ADAMTS9: variants seen among roughly 807,000 people sequenced by gnomAD.
The protein encoded by ADAMTS9 is A disintegrin and metalloproteinase with thrombospondin motifs 9.
In ADAMTS9, 107 loss-of-function variants were observed where a neutral mutation model predicts 257.1. That is an observed-to-expected ratio of 0.42 (90% CI 0.36 to 0.49). ADAMTS9 has a LOEUF of 0.49. Among genes scored for constraint, ADAMTS9 ranks in the 20% least tolerant of loss-of-function variants. ADAMTS9 has a pLI of 0.03. For synonymous variants in ADAMTS9, 982 were observed against 880.9 expected (o/e 1.11, Z -2.03); for missense variants, 2,353 against 2,469.1 (o/e 0.95, Z 1.00).
chr3:64,656,204 A>G (rs952407466), intron 4 of ADAMTS9, among the ~76,000 whole-genome samples: 5 of 152,204 alleles, frequency 3.3e-5, no homozygotes, highest in Non-Finnish European at 7.3e-5. Flanking sequence ...TGGATTGCCA[A>G]CTTATAGAAT....
intron 31 of ADAMTS9, among the ~76,000 whole-genome samples, chr3:64,547,437 C>T (rs900915695): frequency 2.0e-5 from 3 of 150,776 alleles, no homozygotes; most frequent in Non-Finnish European, 4.4e-5. Context: ...TGTTTTCCTT[C>T]CCTCCGTGGT....
chr3:64,652,959 C>A (rs1161678082), intron 8 of ADAMTS9, among the ~76,000 whole-genome samples: 1 of 152,096 alleles, frequency 6.6e-6, no homozygotes, highest in Non-Finnish European at 1.5e-5. Flanking sequence ...ATAAAATTAC[C>A]TCTAGGCTAT....
At chr3:64,658,846 A>G in intron 3 of ADAMTS9, 55 bp from the exon 4 acceptor site, 1 of 1,519,746 alleles carries the variant, frequency 6.6e-7, no homozygotes, top group Non-Finnish European at 8.9e-7. Context: ...ATTTTATATT[A>G]AGAATTTAAT....
intron 2 of ADAMTS9, 62 bp from the exon 3 acceptor site, chr3:64,681,425 C>A (rs917517069): frequency 1.5e-5 from 22 of 1,511,344 alleles, no homozygotes; most frequent in Admixed American, 1.1e-4. Context: ...AGGAAAAAAA[C>A]CAAAAGAACA....
chr3:64,606,437 C>T (rs888560334), intron 23 of ADAMTS9, among the ~76,000 whole-genome samples: 2 of 152,182 alleles, frequency 1.3e-5, no homozygotes, highest in African/African-American at 2.4e-5. Context: ...ATCCACCATA[C>T]AGACACATAC....
Position 64,594,368 on chromosome 3 carries a change from G to A in ADAMTS9, c.4246C>T (p.Arg1416Trp), listed in dbSNP as rs766052445. The change falls in exon 28 of 40, where the codon CGG becomes TGG. Residue 1416 changes from arginine to tryptophan, a missense_variant. Coordinates refer to ENST00000498707, the MANE Select transcript of ADAMTS9 (RefSeq NM_182920.2). Reference sequence around the variant, plus strand: ...ATTTCACAGCTCAAATCTGGAAACCGTTCACCGTTGGACCGCTGACAGACC... The same window carrying A: ...ATTTCACAGCTCAAATCTGGAAACCATTCACCGTTGGACCGCTGACAGACC... ...LVVCQRSNGE[R>W]FPDLSCEILD... is the part of the protein sequence containing the mutation. 134 of 1,614,060 alleles carry A rather than the reference G, an allele frequency of 8.3e-5. No individual in the cohort carries two copies. In the East Asian group the frequency reaches 2.7e-3, roughly 32 times the overall value.
At chr3:64,630,803 A>T (rs11711984) in intron 16 of ADAMTS9, among the ~76,000 whole-genome samples, 32,581 of 152,094 alleles carry the variant, frequency 0.21, 4,055 homozygotes, top group Non-Finnish European at 0.27. Flanking sequence ...AAATAATAAA[A>T]TAAGATGGGA....
intron 19 of ADAMTS9, among the ~76,000 whole-genome samples, chr3:64,618,357 T>C (rs556356228): frequency 1.1e-3 from 161 of 152,304 alleles, no homozygotes; most frequent in African/African-American, 3.2e-3. Flanking sequence ...AAAAGTTAAG[T>C]GTCAAAAAAA....
chr3:64,647,297 G>A (rs1179844129), intron 11 of ADAMTS9, among the ~76,000 whole-genome samples: 5 of 151,928 alleles, frequency 3.3e-5, no homozygotes, highest in African/African-American at 1.2e-4. Context: ...TTTTCTAGAT[G>A]CACACTAGGT....
rs185893183 is a variant in ADAMTS9 at position 64,560,127 on chromosome 3, C to T, written c.4698+1451G>A. The stretch of plus-strand genomic sequence containing the variant: ...TATCCCCATTCTACAAATGGATAAT[C>T]CAAGGCTCAGAGAAATCAAGAATCC... On this transcript the variant is annotated intron_variant, in intron 30 of 39. Coordinates refer to ENST00000498707, the MANE Select transcript of ADAMTS9 (RefSeq NM_182920.2). Among the ~76,000 whole-genome samples the T allele has an allele frequency of 2.1e-4, 32 of 152,312 alleles. 1 individual carries two copies. The highest frequency in any genetic ancestry group is 2.0e-3 in the Admixed American group (30 of 15,306).
chr3:64,648,057 A>G lies in ADAMTS9; in HGVS notation c.1606-13T>C, dbSNP rs748827652. 1.1e-5 allele frequency: 18 copies of G among 1,597,070 alleles called. No individual in the cohort carries two copies. The highest frequency in any genetic ancestry group is 2.2e-5 in the East Asian group (1 of 44,518). ...GTCTGCACTGCATCTGCTCAATTCAATGAAATGGCAATTGAGTGACAAGTG... is the reference window on the plus strand; with the variant it reads ...GTCTGCACTGCATCTGCTCAATTCAGTGAAATGGCAATTGAGTGACAAGTG... On this transcript the variant is annotated splice_polypyrimidine_tract_variant and intron_variant, in intron 10 of 39. Transcript: ENST00000498707.
chr3:64,594,344 T>C lies in ADAMTS9; in HGVS notation c.4270A>G (p.Ile1424Val), dbSNP rs2084320960. The change falls in exon 28 of 40, where the codon ATT becomes GTT. Residue 1424 changes from isoleucine (I) to valine (V), a missense_variant. By Grantham distance (29) the Ile-to-Val change is conservative (BLOSUM62 3). This residue lies in a region of ADAMTS9 where 1,402 missense variants were observed against 1,441.4 expected (regional missense o/e 0.97). Coordinates refer to ENST00000498707, the MANE Select transcript of ADAMTS9 (RefSeq NM_182920.2). ...TCACGATCGGGAGGTTTATCAAGAATTTCACAGCTCAAATCTGGAAACCGT... is the reference window on the plus strand; with the variant it reads ...TCACGATCGGGAGGTTTATCAAGAACTTCACAGCTCAAATCTGGAAACCGT... ...GERFPDLSCE[I>V]LDKPPDREQC... 2 of 1,614,042 alleles carry C rather than the reference T, an allele frequency of 1.2e-6. No homozygotes were observed. The highest frequency in any genetic ancestry group is 1.7e-6 in the Non-Finnish European group (2 of 1,179,958).
intron 38 of ADAMTS9, among the ~76,000 whole-genome samples, chr3:64,525,515 A>G (rs1483670036): frequency 6.6e-6 from 1 of 152,222 alleles, no homozygotes; most frequent in Admixed American, 6.5e-5. Context: ...ACACAGCTGA[A>G]CTAAGAAAGC....
intron 21 of ADAMTS9, among the ~76,000 whole-genome samples, chr3:64,613,747 C>T (rs2084711240): frequency 6.6e-6 from 1 of 152,150 alleles, no homozygotes; most frequent in South Asian, 2.1e-4. Flanking sequence ...AACACAGCTC[C>T]ATGCTATAAA....
At chr3:64,547,307 C>G (rs984013667) in intron 31 of ADAMTS9, among the ~76,000 whole-genome samples, 4 of 150,538 alleles carry the variant, frequency 2.7e-5, no homozygotes, top group African/African-American at 9.8e-5. Flanking sequence ...GCAAACTGCT[C>G]TTTTCTAAAG....
intron 28 of ADAMTS9, among the ~76,000 whole-genome samples, chr3:64,575,880 T>A (rs1176086157): frequency 2.0e-5 from 3 of 152,210 alleles, no homozygotes; most frequent in Non-Finnish European, 4.4e-5. Context: ...TTCTATTCAG[T>A]GGACCCTTTT....
intron 32 of ADAMTS9, among the ~76,000 whole-genome samples, chr3:64,544,056 A>G (rs1410856605): frequency 3.3e-5 from 5 of 152,250 alleles, no homozygotes; most frequent in African/African-American, 1.2e-4. Flanking sequence ...CCAACTTACA[A>G]GGGATGTGAA....
In ADAMTS9 at chr3:64,686,592, G is replaced by GGCC; in HGVS notation, c.489_491dup (p.Ala164dup). On this transcript the variant is annotated inframe_insertion, in exon 2 of 40. Coordinates refer to ENST00000498707, the MANE Select transcript of ADAMTS9 (RefSeq NM_182920.2). The surrounding 1 kb of genome is among the most constrained non-coding windows in gnomAD (Gnocchi z 4.6). Reference sequence around the variant, plus strand: ...CCATTCCTGAGCAGAGGCTGATGACGGCCGTGTGCTCGGAGTTGGTATTGA... The same window carrying GGCC: ...CCATTCCTGAGCAGAGGCTGATGACGGCCGCCGTGTGCTCGGAGTTGGTATTGA... 1 of 1,612,360 alleles carries GGCC rather than the reference G, an allele frequency of 6.2e-7. No individual in the cohort carries two copies. The highest frequency in any genetic ancestry group is 8.5e-7 in the Non-Finnish European group (1 of 1,179,310).
intron 26 of ADAMTS9, among the ~76,000 whole-genome samples, chr3:64,600,057 T>C (rs930679766): frequency 6.7e-6 from 1 of 149,406 alleles, no homozygotes; most frequent in Non-Finnish European, 1.5e-5. Flanking sequence ...TGTTCTTTTT[T>C]TTTTTTTTTT....
Sources: allele counts gnomAD v4.1 joint callset (sites outside exome capture counted in the v4.1 genomes callset), GRCh38; gene constraint gnomAD v4.1.1; regional missense constraint gnomAD v4.1.1; non-coding constraint Gnocchi (gnomAD v3.1); transcripts MANE v1.5; gene names NCBI Gene and HGNC (gene_info 2026-07-23, HGNC 2026-07-21).